The following CASP10 variants were observed in gnomAD, a reference collection of about 807,000 sequenced individuals.
The protein encoded by CASP10 is caspase-10.
Under a neutral mutation model 48.5 loss-of-function variants are expected in CASP10, and 41 were observed. The ratio of observed to expected loss-of-function variants is 0.85; its 90% CI spans 0.66 to 1.10. The LOEUF is 1.10. CASP10 is among the 50% of genes least tolerant of loss of function. The probability of loss-of-function intolerance (pLI) is 0.00; values close to 1 mark genes in which losing one functional copy is unlikely to be tolerated. For missense variants in CASP10, 614 were observed against 614.5 expected, an observed-to-expected ratio of 1.00 and a Z score of 0.01; for synonymous variants, 232 against 238.4, an observed-to-expected ratio of 0.97 and a Z score of 0.25.
chr2:201,207,758 A>G (rs1945255745), intron 7 of CASP10, among the ~76,000 whole-genome samples: 1 of 142,864 alleles, frequency 7.0e-6, no homozygotes, highest in Non-Finnish European at 1.5e-5. Flanking sequence ...TGCTGTCTCA[A>G]AAAAAAAAAA....
downstream of CASP10, among the ~76,000 whole-genome samples, chr2:201,223,831 T>C: frequency 6.6e-6 from 1 of 152,234 alleles, no homozygotes; most frequent in East Asian, 1.9e-4. Flanking sequence ...AGAGTCTCAC[T>C]GTGTCACCCA....
At chr2:201,190,492 C>A (rs908703304) in intron 3 of CASP10, among the ~76,000 whole-genome samples, 7 of 152,118 alleles carry the variant, frequency 4.6e-5, no homozygotes, top group Admixed American at 4.6e-4. Flanking sequence ...TAGCATTATA[C>A]CTTAAATACA....
At chr2:201,203,888 A>T (rs568310803) in intron 6 of CASP10, 122 bp downstream of exon 6, 20 of 833,570 alleles carry the variant, frequency 2.4e-5, no homozygotes, top group Non-Finnish European at 4.0e-5. Flanking sequence ...TGAATAATTC[A>T]TTTTTTATTC....
At chr2:201,186,188 G>A (rs1452274838) in intron 2 of CASP10, 64 bp downstream of exon 2, 4 of 1,221,752 alleles carry the variant, frequency 3.3e-6, no homozygotes, top group African/African-American at 3.0e-5. Context: ...TGGCCATTGG[G>A]CTTTGAAAGG....
At chr2:201,206,057 C>T (rs936518373) in intron 7 of CASP10, 84 bp downstream of exon 7, 5 of 790,910 alleles carry the variant, frequency 6.3e-6, no homozygotes, top group Non-Finnish European at 1.1e-5. Flanking sequence ...TTTAGGGGCT[C>T]TCTCCCTAGG....
intron 9 of CASP10, 87 bp downstream of exon 9, chr2:201,209,649 T>A: frequency 7.2e-7 from 1 of 1,382,166 alleles, no homozygotes; most frequent in Non-Finnish European, 9.8e-7. Flanking sequence ...TTGGTAAGGG[T>A]GAGAGTTCTA....
chr2:201,215,647 G>GT (rs1310752794), intron 9 of CASP10, among the ~76,000 whole-genome samples: 4 of 152,074 alleles, frequency 2.6e-5, no homozygotes, highest in Non-Finnish European at 5.9e-5. Flanking sequence ...TGCTGTTTTG[G>GT]TAACTCTAGA....
intron 9 of CASP10, among the ~76,000 whole-genome samples, chr2:201,227,006 T>A: frequency 6.6e-6 from 1 of 152,194 alleles, no homozygotes; most frequent in East Asian, 1.9e-4. Context: ...AATATGTATA[T>A]TGTACAAATA....
At chr2:201,224,859 G>T, downstream of CASP10, among the ~76,000 whole-genome samples, 1 of 151,424 alleles carries the variant, frequency 6.6e-6, no homozygotes, top group Non-Finnish European at 1.5e-5. Flanking sequence ...GGAATATTTG[G>T]GAAATACAAA....
intron 3 of CASP10, 122 bp downstream of exon 3, chr2:201,187,921 C>T (rs574057890): frequency 9.0e-5 from 68 of 755,604 alleles, no homozygotes; most frequent in South Asian, 8.0e-4. Flanking sequence ...ACAATGGTTA[C>T]GAACATTGGC....
intron 9 of CASP10, among the ~76,000 whole-genome samples, chr2:201,226,803 T>A (rs543242654): frequency 6.6e-6 from 1 of 152,272 alleles, no homozygotes; most frequent in East Asian, 1.9e-4. Flanking sequence ...TGAAATAAAA[T>A]CAATTAGAAT....
intron 4 of CASP10, among the ~76,000 whole-genome samples, chr2:201,193,821 T>A (rs949887975): frequency 6.6e-6 from 1 of 151,808 alleles, no homozygotes; most frequent in Non-Finnish European, 1.5e-5. Context: ...CTCTATAGAG[T>A]CGGATTGCCA....
intron 9 of CASP10, chr2:201,228,900 A>C: frequency 6.2e-7 from 1 of 1,610,576 alleles, no homozygotes; most frequent in Non-Finnish European, 8.5e-7. Flanking sequence ...ACTCAGTCAA[A>C]GTTCCCCTTT....
chr2:201,202,594 G>C (rs1163919018), intron 5 of CASP10, among the ~76,000 whole-genome samples: 4 of 152,210 alleles, frequency 2.6e-5, no homozygotes, highest in African/African-American at 9.7e-5. Context: ...GCCCTTGTCT[G>C]CCTCTTAGAA....
intron 9 of CASP10, 54 bp from the exon 10 acceptor site, chr2:201,217,534 G>A (rs1945608449): frequency 8.4e-7 from 1 of 1,193,692 alleles, no homozygotes; most frequent in African/African-American, 1.5e-5. Flanking sequence ...ACTCCAGCCT[G>A]GGCGACAGAG....
rs1302914529 is a variant in CASP10, at chr2:201,205,951, T to C, written c.791T>C (p.Leu264Pro). ...RGMQGASANT[L>P]NSETSTKRAA... ...ATGCAAGGAGCATCTGCTAACACTC[T>C]AAACTCTGAAACCAGCACAAAGGTC... The change falls in exon 7 of 10, where the codon CTA becomes CCA. Residue 264 changes from leucine (L) to proline (P), a missense_variant. Physicochemically the swap from Leu to Pro is moderately conservative, Grantham distance 98. Coordinates refer to ENST00000286186, the MANE Select transcript of CASP10 (RefSeq NM_032977.4). 2.5e-6 allele frequency: 4 copies of C among 1,612,464 alleles called. No homozygotes were observed. The highest frequency in any genetic ancestry group is 3.4e-6 in the Non-Finnish European group (4 of 1,178,546).
chr2:201,187,271 A>G (rs1944446823), intron 2 of CASP10, among the ~76,000 whole-genome samples: 1 of 152,116 alleles, frequency 6.6e-6, no homozygotes. Flanking sequence ...GTTGTGGATT[A>G]TATCTCGAAG....
At chr2:201,197,369 C>T (rs1009501451) in intron 5 of CASP10, among the ~76,000 whole-genome samples, 4 of 152,184 alleles carry the variant, frequency 2.6e-5, no homozygotes, top group African/African-American at 9.7e-5. Context: ...AATCCCAGCA[C>T]TTTGAGAGGC....
In CASP10 at chr2:201,218,667, T is replaced by C. The variant is rs568231723; in HGVS notation, c.*926T>C. The stretch of plus-strand genomic sequence containing the variant: ...ACCACGTTCTTAGCCTAGATTGAGC[T>C]TAGATTGCCTCTCTAGACAACTACC... On this transcript the variant is annotated 3_prime_UTR_variant, in exon 10 of 10. Transcript: ENST00000286186. 19 of 985,434 alleles carry C rather than the reference T, an allele frequency of 1.9e-5. No homozygotes were observed. In the African/African-American group the frequency reaches 2.6e-4, roughly 14 times the overall value. 61.0% of individuals were successfully genotyped at this position (985,434 alleles called of 1,614,324 possible).
Sources: allele counts gnomAD v4.1 joint callset (sites outside exome capture counted in the v4.1 genomes callset), GRCh38; gene constraint gnomAD v4.1.1; transcripts MANE v1.5; gene names NCBI Gene and HGNC (gene_info 2026-07-23, HGNC 2026-07-21).